Variants in UGT2B11 observed in about 807,000 individuals in gnomAD.
UGT2B11 encodes the protein UDP glucuronosyltransferase family 2 member B11.
UGT2B11 carries 49 observed loss-of-function variants against 51.7 expected under a neutral mutation model. That is an observed-to-expected ratio of 0.95 (90% CI 0.75 to 1.20). The LOEUF (loss-of-function observed/expected upper bound fraction) is 1.20, where lower values mean the gene tolerates loss of function less well. Among genes scored for constraint, UGT2B11 ranks in the 50% most tolerant of loss-of-function variants. The probability of loss-of-function intolerance (pLI) is 0.00; values close to 1 mark genes in which losing one functional copy is unlikely to be tolerated. For missense variants in UGT2B11, 810 were observed against 622.1 expected (o/e 1.30, Z -3.21); for synonymous variants, 273 against 209.0 (o/e 1.31, Z -2.64).
At chr4:69,205,601 G>T in intron 3 of UGT2B11, 34 bp from the exon 4 acceptor site, 1 of 1,596,044 alleles carries the variant, frequency 6.3e-7, no homozygotes, top group Non-Finnish European at 8.6e-7. Flanking sequence ...TATTCCATGA[G>T]TGGAACTCAA....
At chr4:69,217,144 A>C (rs992433399), upstream of UGT2B11, among the ~76,000 whole-genome samples, 1 of 152,116 alleles carries the variant, frequency 6.6e-6, no homozygotes, top group African/African-American at 2.4e-5. Context: ...TATTTGCAGC[A>C]TTCCTTATGT....
chr4:69,220,461 T>TGG, the UGT2B11 span, among the ~76,000 whole-genome samples: 14 of 28,694 alleles, frequency 4.9e-4, no homozygotes, highest in South Asian at 2.3e-3. Context: ...GTGTTGGGGG[T>TGG]GGGGGGGCTC....
At chr4:69,202,809 T>C (rs975967668) in intron 5 of UGT2B11, among the ~76,000 whole-genome samples, 19 of 151,688 alleles carry the variant, frequency 1.3e-4, no homozygotes, top group African/African-American at 4.6e-4. Context: ...TCTTTTCAAT[T>C]ATTTCCCATC....
At chr4:69,224,494 A>C in the UGT2B11 span, among the ~76,000 whole-genome samples, 2 of 152,238 alleles carry the variant, frequency 1.3e-5, no homozygotes, top group East Asian at 1.9e-4. Flanking sequence ...CTTTAGTCTC[A>C]TGGCCGCGCT....
upstream of UGT2B11, among the ~76,000 whole-genome samples, chr4:69,219,143 T>A (rs1722345966): frequency 6.6e-6 from 1 of 152,032 alleles, no homozygotes; most frequent in Non-Finnish European, 1.5e-5. Context: ...GTTCAAATTA[T>A]GTTGGTATGA....
At position 69,200,521 on chromosome 4, in the gene UGT2B11, A is replaced by T. The variant is rs1299881581; in HGVS notation, c.1509T>A (p.Thr503=). 6.2e-7 allele frequency: 1 copy of T among 1,612,246 alleles called. No homozygotes were observed. The highest frequency in any genetic ancestry group is 8.5e-7 in the Non-Finnish European group (1 of 1,178,956). The change falls in exon 6 of 6, where the codon ACT becomes ACA. Residue 503 remains threonine (T), a synonymous_variant. Coordinates refer to ENST00000446444, the MANE Select transcript of UGT2B11 (RefSeq NM_001073.3). Reference sequence around the variant, plus strand: ...AAAACTTTGTGATGATAAATATCACAGTTGCCACACAGGCCAGCAGAAACC... The same window carrying T: ...AAAACTTTGTGATGATAAATATCACTGTTGCCACACAGGCCAGCAGAAACC... ...VIGFLLACVA[T]VIFIITKFCL...
chr4:69,213,294 G>T (rs1722144097), intron 1 of UGT2B11, among the ~76,000 whole-genome samples: 1 of 151,672 alleles, frequency 6.6e-6, no homozygotes, highest in Non-Finnish European at 1.5e-5. Flanking sequence ...GAAATTTTGA[G>T]AAATTATTGA....
intron 5 of UGT2B11, among the ~76,000 whole-genome samples, chr4:69,201,902 T>C (rs1721673698): frequency 6.6e-6 from 1 of 151,870 alleles, no homozygotes. Flanking sequence ...GAGATGAAGA[T>C]ACCAATTTAC....
upstream of UGT2B11, among the ~76,000 whole-genome samples, chr4:69,218,750 C>T (rs890844212): frequency 2.0e-5 from 3 of 152,016 alleles, no homozygotes; most frequent in African/African-American, 7.2e-5. Context: ...CAGAGTAGGG[C>T]ATCCTCTGAA....
At chr4:69,206,070 T>G (rs576396704) in intron 3 of UGT2B11, among the ~76,000 whole-genome samples, 1 of 151,640 alleles carries the variant, frequency 6.6e-6, no homozygotes, top group South Asian at 2.1e-4. Flanking sequence ...GTGTGGCCAT[T>G]CCTCAGAAAC....
chr4:69,223,029 A>G, the UGT2B11 span, among the ~76,000 whole-genome samples: 2 of 152,140 alleles, frequency 1.3e-5, no homozygotes, highest in Non-Finnish European at 2.9e-5. Flanking sequence ...ACAGGTCAGT[A>G]CTGTCACGAA....
intron 4 of UGT2B11, among the ~76,000 whole-genome samples, chr4:69,205,186 G>A (rs181998971): frequency 6.6e-6 from 1 of 151,572 alleles, no homozygotes; most frequent in African/African-American, 2.4e-5. Context: ...GGAGAAAACA[G>A]GTGTAAAATT....
chr4:69,213,340 A>G (rs540120301), intron 1 of UGT2B11, among the ~76,000 whole-genome samples: 2 of 151,892 alleles, frequency 1.3e-5, no homozygotes, highest in South Asian at 2.1e-4. Flanking sequence ...TCTGTCTCAT[A>G]TTTTTAAATA....
upstream of UGT2B11, chr4:69,216,514 G>A (rs1331770117): frequency 1.3e-5 from 2 of 151,054 alleles, no homozygotes; most frequent in African/African-American, 2.4e-5. Context: ...AGTTCATCAA[G>A]TATCAACATT....
intron 3 of UGT2B11, 64 bp from the exon 4 acceptor site, chr4:69,205,631 C>A: frequency 6.5e-7 from 1 of 1,540,112 alleles, no homozygotes; most frequent in Non-Finnish European, 8.9e-7. Context: ...AATGTTAGAA[C>A]TGTAGAAAGC....
upstream of UGT2B11, among the ~76,000 whole-genome samples, chr4:69,217,288 G>A (rs1413277710): frequency 3.9e-5 from 6 of 152,076 alleles, no homozygotes; most frequent in African/African-American, 1.4e-4. Context: ...AATTAGGAAG[G>A]AAAAGATGCA....
chr4:69,224,401 C>T, the UGT2B11 span, among the ~76,000 whole-genome samples: 3 of 152,034 alleles, frequency 2.0e-5, no homozygotes, highest in African/African-American at 4.8e-5. Context: ...GAGTATGAAC[C>T]GGATCCAGAC....
chr4:69,202,510 A>C (rs1721698547), intron 5 of UGT2B11, among the ~76,000 whole-genome samples: 1 of 151,656 alleles, frequency 6.6e-6, no homozygotes. Context: ...CCCACCACAC[A>C]TCACTTCAAG....
chr4:69,224,090 C>A, the UGT2B11 span, among the ~76,000 whole-genome samples: 2 of 152,156 alleles, frequency 1.3e-5, no homozygotes, highest in Admixed American at 1.3e-4. Context: ...CATGCCTGAT[C>A]CTCGGAGGGC....
Sources: gnomAD v4.1 joint callset for allele counts (sites outside exome capture counted in the v4.1 genomes callset) on GRCh38, gnomAD v4.1.1 for gene constraint, MANE v1.5 for transcripts, NCBI Gene and HGNC (gene_info 2026-07-23, HGNC 2026-07-21) for gene names.